PKHD1: variants seen among roughly 807,000 people sequenced by gnomAD.
The protein encoded by PKHD1 is fibrocystin.
A neutral mutation model predicts 412.0 loss-of-function variants in PKHD1; 291 were observed. The ratio of observed to expected loss-of-function variants is 0.71; its 90% confidence interval spans 0.64 to 0.78. The LOEUF (loss-of-function observed/expected upper bound fraction) is 0.78. PKHD1 is among the 30% of genes least tolerant of loss of function. The probability of loss-of-function intolerance (pLI) is 0.00; values close to 1 mark genes in which losing one functional copy is unlikely to be tolerated. For missense variants in PKHD1, 4,825 were observed against 4,950.7 expected (o/e 0.97, Z 0.76); for synonymous variants, 1,777 against 1,821.5 (o/e 0.98, Z 0.62).
At chr6:51,872,989 A>G (rs1197389289) in intron 46 of PKHD1, among the ~76,000 whole-genome samples, 1 of 151,204 alleles carries the variant, frequency 6.6e-6, no homozygotes, top group Non-Finnish European at 1.5e-5. Context: ...GAGTTCCAAT[A>G]CTAGACAGAC....
intron 29 of PKHD1, among the ~76,000 whole-genome samples, chr6:52,028,956 C>T (rs1802632964): frequency 6.6e-6 from 1 of 152,200 alleles, no homozygotes; most frequent in Admixed American, 6.5e-5. Context: ...TCTTTATAAC[C>T]AGCAAAGAGC....
intron 50 of PKHD1, among the ~76,000 whole-genome samples, chr6:51,846,037 T>C (rs1024829850): frequency 3.3e-5 from 5 of 152,232 alleles, no homozygotes; most frequent in Admixed American, 2.6e-4. Context: ...CTCTTATTTA[T>C]GGCTGTATTC....
chr6:51,834,496 C>T (rs1302141035), intron 51 of PKHD1, among the ~76,000 whole-genome samples: 6 of 151,476 alleles, frequency 4.0e-5, no homozygotes, highest in African/African-American at 1.5e-4. Flanking sequence ...TTGGATTGAC[C>T]CATTCAAACA....
At chr6:51,643,538 C>G (rs757440209) in intron 63 of PKHD1, among the ~76,000 whole-genome samples, 1 of 152,062 alleles carries the variant, frequency 6.6e-6, no homozygotes, top group Non-Finnish European at 1.5e-5. Context: ...TGCCACATTA[C>G]CTGGGCCTTT....
At chr6:51,990,119 C>A (rs751806579) in intron 35 of PKHD1, among the ~76,000 whole-genome samples, 11 of 151,050 alleles carry the variant, frequency 7.3e-5, no homozygotes, top group Non-Finnish European at 1.6e-4. Flanking sequence ...CCTGGTGTGA[C>A]CTTTTATTCT....
At chr6:51,782,360 T>A (rs908450053) in intron 53 of PKHD1, among the ~76,000 whole-genome samples, 1 of 152,154 alleles carries the variant, frequency 6.6e-6, no homozygotes, top group Non-Finnish European at 1.5e-5. Context: ...CTTTCTATTC[T>A]TAATATCATT....
At position 51,912,120 on chromosome 6, in the gene PKHD1, G is replaced by C. The variant is rs143079619; in HGVS notation, c.6333-164C>G. On this transcript the variant is annotated intron_variant, in intron 38 of 66. Transcript: ENST00000371117. Reference sequence around the variant, plus strand: ...TATAGACACAAGTACATGAAAATTAGAAACTATGCTGATCATTGCCCCAAA... The same window carrying C: ...TATAGACACAAGTACATGAAAATTACAAACTATGCTGATCATTGCCCCAAA... Among the ~76,000 whole-genome samples, 1,729 of 152,208 alleles carry C rather than the reference G, an allele frequency of 0.011. 27 individuals are homozygous for C. The highest frequency in any genetic ancestry group is 0.017 in the Non-Finnish European group (1,122 of 67,992).
At chr6:51,680,753 C>T (rs1776539923) in intron 60 of PKHD1, among the ~76,000 whole-genome samples, 1 of 152,018 alleles carries the variant, frequency 6.6e-6, no homozygotes, top group African/African-American at 2.4e-5. Flanking sequence ...ATATACATTT[C>T]TCCATATTTA....
At position 51,616,263 on chromosome 6, in the gene PKHD1, A is replaced by G. The variant is rs984316141; in HGVS notation, c.*2818T>C. ...ATTTTAGCTTGTCCAATCTCTTGAG[A>G]GAAATGAGTCCATCAATACAGAAAA... On this transcript the variant is annotated 3_prime_UTR_variant, in exon 67 of 67. Coordinates refer to ENST00000371117, the MANE Select transcript of PKHD1 (RefSeq NM_138694.4). The G allele has an allele frequency of 6.3e-6, 1 of 159,784 alleles. No individual in the cohort carries two copies. Among genetic ancestry groups the G allele is most frequent in the Non-Finnish European group, 1.4e-5 (1 of 73,238 alleles). 9.9% of individuals were successfully genotyped at this position (159,784 alleles called of 1,614,324 possible).
intron 52 of PKHD1, among the ~76,000 whole-genome samples, chr6:51,796,576 T>C (rs1340199241): frequency 1.3e-5 from 2 of 152,246 alleles, no homozygotes; most frequent in Admixed American, 6.5e-5. Flanking sequence ...CTAGTTCTTT[T>C]AGTTGTAATG....
chr6:51,813,094 G>A (rs2151407858), intron 52 of PKHD1, among the ~76,000 whole-genome samples: 1 of 152,186 alleles, frequency 6.6e-6, no homozygotes, highest in South Asian at 2.1e-4. Context: ...AAAAAAACAA[G>A]CTGTAACCCA....
Position 51,645,555 on chromosome 6 carries a change from G to A in PKHD1, c.11398+2476C>T, listed in dbSNP as rs994978852. On this transcript the variant is annotated intron_variant, in intron 63 of 66. Coordinates refer to ENST00000371117, the MANE Select transcript of PKHD1 (RefSeq NM_138694.4). Reference sequence around the variant, plus strand: ...TTACAGGCGCATGCCCACCATGCCCGGCTAATTTTTGCATTTTTAGTAGAG... The same window carrying A: ...TTACAGGCGCATGCCCACCATGCCCAGCTAATTTTTGCATTTTTAGTAGAG... Among the ~76,000 whole-genome samples, 7 of 151,890 alleles carry A rather than the reference G, an allele frequency of 4.6e-5. No homozygotes were observed. In the South Asian group the frequency reaches 6.2e-4, roughly 14 times the overall value.
At chr6:51,883,785 G>A (rs933254511) in intron 45 of PKHD1, among the ~76,000 whole-genome samples, 28 of 152,178 alleles carry the variant, frequency 1.8e-4, no homozygotes, top group African/African-American at 5.5e-4. Flanking sequence ...GCCTGTCCCC[G>A]AAAAAGCATG....
chr6:51,988,973 T>G (rs896773198), intron 35 of PKHD1, among the ~76,000 whole-genome samples: 4 of 152,208 alleles, frequency 2.6e-5, no homozygotes, highest in African/African-American at 9.6e-5. Flanking sequence ...GGCCAGGGGC[T>G]CACATTGTTA....
rs2128231870 is a variant in PKHD1, at chr6:52,072,150, A to G, written c.567T>C (p.Thr189=). 1 of 1,610,748 alleles carries G rather than the reference A, an allele frequency of 6.2e-7. No homozygotes were observed. The highest frequency in any genetic ancestry group is 8.5e-7 in the Non-Finnish European group (1 of 1,176,924). Reference sequence around the variant, plus strand: ...TCTGCCTATTTATAAGAGAGCAAGGAGTAACCCATTTGTCTCCTTGAGCTT... The same window carrying G: ...TCTGCCTATTTATAAGAGAGCAAGGGGTAACCCATTTGTCTCCTTGAGCTT... ...ILEAQGDKWV[T]PCSLINRQMG... is the part of the protein sequence containing the mutation. The change falls in exon 8 of 67, where the codon ACT becomes ACC. Residue 189 remains threonine (T), a synonymous_variant. Coordinates refer to ENST00000371117, the MANE Select transcript of PKHD1 (RefSeq NM_138694.4).
chr6:51,733,315 C>T (rs558825477), intron 60 of PKHD1, among the ~76,000 whole-genome samples: 11 of 152,104 alleles, frequency 7.2e-5, no homozygotes, highest in East Asian at 1.9e-4. Context: ...ACGAGATGGG[C>T]GGATCACAAG....
At chr6:51,788,638 C>G (rs1037140756) in intron 53 of PKHD1, among the ~76,000 whole-genome samples, 12 of 152,058 alleles carry the variant, frequency 7.9e-5, no homozygotes, top group African/African-American at 2.9e-4. Flanking sequence ...TCTCTGGGTT[C>G]CTATAACATT....
chr6:51,839,577 G>GAGCCA (rs1769818589), intron 50 of PKHD1, among the ~76,000 whole-genome samples: 1 of 152,088 alleles, frequency 6.6e-6, no homozygotes, highest in Non-Finnish European at 1.5e-5. Context: ...GTCCTACCAG[G>GAGCCA]TTAATGTGTT....
chr6:51,996,506 G>T (rs1368146488), intron 35 of PKHD1, among the ~76,000 whole-genome samples: 2 of 152,144 alleles, frequency 1.3e-5, no homozygotes, highest in Admixed American at 6.5e-5. Context: ...TTTGAAACAG[G>T]AAGACGCACA....
Sources: allele counts gnomAD v4.1 joint callset (sites outside exome capture counted in the v4.1 genomes callset), GRCh38; gene constraint gnomAD v4.1.1; transcripts MANE v1.5; gene names NCBI Gene and HGNC (gene_info 2026-07-23, HGNC 2026-07-21).